Variants in COL4A1 observed in about 807,000 individuals in gnomAD.
COL4A1 encodes the protein collagen type IV alpha 1 chain.
COL4A1 carries 40 observed loss-of-function variants against 216.6 expected under a neutral mutation model. That is an observed-to-expected ratio of 0.18 (90% CI 0.14 to 0.24). The LOEUF (loss-of-function observed/expected upper bound fraction) is 0.24, where lower values mean the gene tolerates loss of function less well. COL4A1 is among the 10% of genes least tolerant of loss of function. COL4A1 has a pLI of 1.00. For synonymous variants in COL4A1, 839 were observed against 810.7 expected, an observed-to-expected ratio of 1.03 and a Z score of -0.59; for missense variants, 1,628 against 2,196.8, an observed-to-expected ratio of 0.74 and a Z score of 5.18.
chr13:110,200,689 T>A (rs1390589805), intron 20 of COL4A1, among the ~76,000 whole-genome samples, 165 bp downstream of exon 20: 1 of 152,164 alleles, frequency 6.6e-6, no homozygotes, highest in Admixed American at 6.5e-5. Context: ...AAGATACTTA[T>A]CTACAAGCAC....
At chr13:110,153,781 C>A (rs892765132) in intron 50 of COL4A1, among the ~76,000 whole-genome samples, 1 of 152,064 alleles carries the variant, frequency 6.6e-6, no homozygotes, top group African/African-American at 2.4e-5. Context: ...TACACGTGCA[C>A]GAACATTTTA....
intron 2 of COL4A1, among the ~76,000 whole-genome samples, chr13:110,215,657 C>T (rs996678086): frequency 2.6e-5 from 4 of 151,882 alleles, no homozygotes; most frequent in Non-Finnish European, 2.9e-5. Flanking sequence ...CCTTACCATA[C>T]GAATTGGGTA....
chr13:110,174,638 T>A lies in COL4A1; in HGVS notation c.3310A>T (p.Ser1104Cys). The change falls in exon 38 of 52, where the codon AGT (serine) becomes TGT (cysteine). Residue 1104 changes from serine to cysteine, a missense_variant. Ser to Cys is a moderately radical substitution (Grantham distance 112). Transcript: ENST00000375820. Reference protein sequence around the residue: ...GSPGLKGSPGSVGYPGSPGLP... With the variant: ...GSPGLKGSPGCVGYPGSPGLP... ...CCTCACCTACCTGGATAGCCAACAC[T>A]CCCGGGAGACCCTTTAAGGCCTGGG... The A allele has an allele frequency of 6.2e-7, 1 of 1,614,062 alleles. No homozygotes were observed. The highest frequency in any genetic ancestry group is 1.1e-5 in the South Asian group (1 of 91,072).
chr13:110,281,090 C>G (rs1883615122), intron 1 of COL4A1, among the ~76,000 whole-genome samples: 1 of 152,126 alleles, frequency 6.6e-6, no homozygotes, highest in South Asian at 2.1e-4. Flanking sequence ...ACAGAACATC[C>G]TTTGGCCAGA....
chr13:110,189,626 G>A (rs752001878), intron 24 of COL4A1, among the ~76,000 whole-genome samples: 2 of 152,224 alleles, frequency 1.3e-5, no homozygotes, highest in Non-Finnish European at 2.9e-5. Flanking sequence ...GCCAGAAATT[G>A]TAGCAGAGAG....
At chr13:110,229,660 C>T (rs1271615637) in intron 2 of COL4A1, among the ~76,000 whole-genome samples, 1 of 152,148 alleles carries the variant, frequency 6.6e-6, no homozygotes, top group African/African-American at 2.4e-5. Flanking sequence ...AGAAAAAAGA[C>T]CCCAGAGAGA....
At chr13:110,187,711 C>G (rs2139174409) in intron 24 of COL4A1, among the ~76,000 whole-genome samples, 1 of 152,292 alleles carries the variant, frequency 6.6e-6, no homozygotes, top group East Asian at 1.9e-4. Flanking sequence ...GTTCATTGTG[C>G]AGCTTCAGTA....
chr13:110,270,588 G>C (rs1883209774), intron 1 of COL4A1, among the ~76,000 whole-genome samples: 1 of 152,170 alleles, frequency 6.6e-6, no homozygotes, highest in East Asian at 1.9e-4. Context: ...ACACTGGAAG[G>C]TGCTGAGGCT....
intron 50 of COL4A1, among the ~76,000 whole-genome samples, chr13:110,154,697 G>GGAGAAGCTGGTCATACA (rs1876687381): frequency 6.6e-6 from 1 of 151,666 alleles, no homozygotes; most frequent in Non-Finnish European, 1.5e-5. Flanking sequence ...CTAGTCATAT[G>GGAGAAGCTGGTCATACA]GAGAAGCTGG....
intron 1 of COL4A1, among the ~76,000 whole-genome samples, chr13:110,291,432 G>A (rs188940074): frequency 6.6e-6 from 1 of 152,266 alleles, no homozygotes; most frequent in East Asian, 1.9e-4. Flanking sequence ...AGGGGTGCAC[G>A]GGAGCGCCAT....
chr13:110,180,280 C>T (rs1334768397), intron 29 of COL4A1, among the ~76,000 whole-genome samples: 1 of 152,236 alleles, frequency 6.6e-6, no homozygotes, highest in Non-Finnish European at 1.5e-5. Flanking sequence ...CCGCAAGTTG[C>T]CGCGGTTGAC....
intron 1 of COL4A1, among the ~76,000 whole-genome samples, chr13:110,289,674 T>C (rs1016964195): frequency 3.3e-5 from 5 of 152,220 alleles, no homozygotes; most frequent in African/African-American, 9.6e-5. Context: ...GCTATCTGTA[T>C]TTTGGGTTAA....
At chr13:110,275,841 G>C (rs550203462) in intron 1 of COL4A1, among the ~76,000 whole-genome samples, 1 of 152,152 alleles carries the variant, frequency 6.6e-6, no homozygotes, top group Admixed American at 6.5e-5. Flanking sequence ...AACTATAAGA[G>C]AGTCTGGAAA....
chr13:110,307,132 G>A lies in COL4A1; in HGVS notation c.-105C>T. 3 of 941,934 alleles carry A rather than the reference G, an allele frequency of 3.2e-6. No homozygotes were observed. The highest frequency in any genetic ancestry group is 2.3e-5 in the South Asian group (1 of 44,190). The allele number at this position is 941,934 out of a possible 1,614,324, so 58.3% of individuals were successfully genotyped here. On this transcript the variant is annotated 5_prime_UTR_variant, in exon 1 of 52. Coordinates refer to ENST00000375820, the MANE Select transcript of COL4A1 (RefSeq NM_001845.6). The surrounding 1 kb of genome is among the most constrained non-coding windows in gnomAD (Gnocchi z 5.0). ...ACTTCCAGCGCTACGCACCGTCCCGGGTGCGGCGGCTCCAAGCGGAGACCT... is the reference window on the plus strand; with the variant it reads ...ACTTCCAGCGCTACGCACCGTCCCGAGTGCGGCGGCTCCAAGCGGAGACCT...
At chr13:110,214,887 T>C (rs1202526469) in intron 2 of COL4A1, among the ~76,000 whole-genome samples, 4 of 152,244 alleles carry the variant, frequency 2.6e-5, no homozygotes, top group East Asian at 1.9e-4. Context: ...TGGAAACAGA[T>C]AGCAACGACT....
chr13:110,271,279 G>A (rs1215918589), intron 1 of COL4A1, among the ~76,000 whole-genome samples: 3 of 152,126 alleles, frequency 2.0e-5, no homozygotes, highest in South Asian at 2.1e-4. Flanking sequence ...GTCACGTTAC[G>A]GTGCAAAGTA....
chr13:110,191,620 G>A (rs113304289), intron 24 of COL4A1: 7 of 687,236 alleles, frequency 1.0e-5, no homozygotes, highest in East Asian at 2.7e-5. Context: ...ATGTGATCCG[G>A]ATATTTCATT....
At chr13:110,189,764 T>C (rs915660527) in intron 24 of COL4A1, among the ~76,000 whole-genome samples, 2 of 152,190 alleles carry the variant, frequency 1.3e-5, no homozygotes, top group African/African-American at 4.8e-5. Context: ...CGGCCTTTCT[T>C]GTGGGCTCGG....
intron 2 of COL4A1, among the ~76,000 whole-genome samples, chr13:110,214,982 T>C (rs564242571): frequency 1.3e-3 from 203 of 152,356 alleles, no homozygotes; most frequent in African/African-American, 4.7e-3. Flanking sequence ...ATCCTTTATA[T>C]GTACTTAATG....
Sources: gnomAD v4.1 joint callset for allele counts (sites outside exome capture counted in the v4.1 genomes callset) on GRCh38, gnomAD v4.1.1 for gene constraint, Gnocchi (gnomAD v3.1) non-coding constraint, MANE v1.5 for transcripts, NCBI Gene and HGNC (gene_info 2026-07-23, HGNC 2026-07-21) for gene names.